NBEA: variants seen among roughly 807,000 people sequenced by gnomAD.
NBEA encodes the protein neurobeachin.
A neutral mutation model predicts 343.4 loss-of-function variants in NBEA; 44 were observed. The observed-to-expected ratio is 0.13, with a 90% confidence interval of 0.10 to 0.16. NBEA has a LOEUF of 0.16. Among genes scored for constraint, NBEA ranks in the 10% least tolerant of loss-of-function variants. The probability of loss-of-function intolerance (pLI) is 1.00; values close to 1 mark genes in which losing one functional copy is unlikely to be tolerated. For synonymous variants in NBEA, 1,175 were observed against 1,238.7 expected (o/e 0.95, Z 1.08); for missense variants, 2,555 against 3,631.3 (o/e 0.70, Z 7.62).
chr13:35,419,746 C>T (rs2044158407), intron 38 of NBEA, among the ~76,000 whole-genome samples: 2 of 151,468 alleles, frequency 1.3e-5, no homozygotes, highest in Non-Finnish European at 2.9e-5. Flanking sequence ...AAAAGAAGAG[C>T]ACAGAAGTGC....
intron 40 of NBEA, among the ~76,000 whole-genome samples, chr13:35,468,328 G>A (rs2075487081): frequency 6.6e-6 from 1 of 152,110 alleles, no homozygotes; most frequent in African/African-American, 2.4e-5. Flanking sequence ...GATGATGTGA[G>A]ACAAAAAACA....
intron 44 of NBEA, among the ~76,000 whole-genome samples, chr13:35,559,810 G>A (rs1296424368): frequency 2.0e-5 from 3 of 151,720 alleles, no homozygotes; most frequent in African/African-American, 7.3e-5. Context: ...CAGCTACTCG[G>A]AAGGCTGAGG....
At chr13:35,146,674 T>G (rs919251835) in intron 18 of NBEA, among the ~76,000 whole-genome samples, 1 of 152,078 alleles carries the variant, frequency 6.6e-6, no homozygotes, top group African/African-American at 2.4e-5. Context: ...CTTTAAGTTT[T>G]CTGGTAGGTC....
At chr13:35,010,741 A>ATATATATATAT (rs1233348410) in intron 1 of NBEA, among the ~76,000 whole-genome samples, 3 of 31,944 alleles carry the variant, frequency 9.4e-5, no homozygotes, top group South Asian at 1.8e-3. Context: ...AAAAAAAAAA[A>ATATATATATAT]ATATATATAT....
chr13:35,395,726 A>G (rs1053501804), intron 38 of NBEA, among the ~76,000 whole-genome samples: 3 of 152,076 alleles, frequency 2.0e-5, no homozygotes, highest in Admixed American at 6.6e-5. Context: ...CTCCCTATTA[A>G]AAGAGAGATG....
At position 35,155,894 on chromosome 13, in the gene NBEA, G is replaced by A. The variant is rs148526742; in HGVS notation, c.2527+39G>A. On this transcript the variant is annotated intron_variant, in intron 19 of 58. Coordinates refer to ENST00000379939, the MANE Select transcript of NBEA (RefSeq NM_001385012.1). Reference sequence around the variant, plus strand: ...AGTTCTTTACTGTATTGTGGTAGGCGCATGGCAACATATGAGACTAAATCA... The same window carrying A: ...AGTTCTTTACTGTATTGTGGTAGGCACATGGCAACATATGAGACTAAATCA... The A allele has an allele frequency of 8.1e-4, 1,261 of 1,559,258 alleles. 7 individuals carry two copies. In the African/African-American group the frequency reaches 0.015, roughly 19 times the overall value.
chr13:35,417,889 T>G (rs1009291825), intron 38 of NBEA, among the ~76,000 whole-genome samples: 1 of 152,196 alleles, frequency 6.6e-6, no homozygotes, highest in African/African-American at 2.4e-5. Context: ...TGTAGGTCTC[T>G]AAGGACTTGC....
At chr13:35,120,651 G>C (rs544833905) in intron 16 of NBEA, among the ~76,000 whole-genome samples, 1 of 150,494 alleles carries the variant, frequency 6.6e-6, no homozygotes, top group African/African-American at 2.5e-5. Flanking sequence ...GTTTAATTCT[G>C]ATGGTATGCT....
At chr13:35,001,709 G>T (rs2061147186) in intron 1 of NBEA, among the ~76,000 whole-genome samples, 1 of 152,070 alleles carries the variant, frequency 6.6e-6, no homozygotes, top group Non-Finnish European at 1.5e-5. Flanking sequence ...AAAGGCTATT[G>T]TAATTTTGTA....
At chr13:35,045,168 G>T (rs1463832738) in intron 3 of NBEA, 121 bp downstream of exon 3, 1 of 1,206,716 alleles carries the variant, frequency 8.3e-7, no homozygotes, top group Non-Finnish European at 1.1e-6. Flanking sequence ...CTTCTTAAAT[G>T]ATTTAGTAAA....
intron 17 of NBEA, among the ~76,000 whole-genome samples, chr13:35,128,563 T>A (rs1186361500): frequency 6.6e-6 from 1 of 152,132 alleles, no homozygotes. Context: ...GCAGGACTTA[T>A]AGCTTGCTAA....
chr13:35,111,031 CT>C, intron 13 of NBEA, 53 bp downstream of exon 13: 1 of 1,450,642 alleles, frequency 6.9e-7, no homozygotes. Context: ...ATTCTGTATT[CT>C]GAGTACTGTT....
intron 8 of NBEA, among the ~76,000 whole-genome samples, chr13:35,066,750 G>A (rs1002248250): frequency 6.6e-6 from 1 of 151,346 alleles, no homozygotes; most frequent in Non-Finnish European, 1.5e-5. Context: ...TGATTTGATT[G>A]GTTATTTCAT....
chr13:35,125,168 AT>A (rs1226354198), intron 17 of NBEA, among the ~76,000 whole-genome samples: 1 of 152,188 alleles, frequency 6.6e-6, no homozygotes, highest in African/African-American at 2.4e-5. Flanking sequence ...GAAGTAAAAA[AT>A]GTACTCTCTA....
intron 1 of NBEA, among the ~76,000 whole-genome samples, chr13:35,022,914 CT>C (rs2061896827): frequency 6.6e-6 from 1 of 152,036 alleles, no homozygotes; most frequent in South Asian, 2.1e-4. Flanking sequence ...ATTTTTATCT[CT>C]GTATAATTTC....
rs147317172 is a variant in NBEA at position 35,497,900 on chromosome 13, A to C, written c.6585+25364A>C. On this transcript the variant is annotated intron_variant, in intron 41 of 58. Coordinates refer to ENST00000379939, the MANE Select transcript of NBEA (RefSeq NM_001385012.1). ...ATTATTTATATTAAGAGCTTACTAA[A>C]CATTCTTTGTAATATTGGCTATTAT... Among the ~76,000 whole-genome samples, 38 of 152,162 alleles carry C rather than the reference A, an allele frequency of 2.5e-4. 1 individual carries two copies. Among genetic ancestry groups the C allele is most frequent in the African/African-American group, 8.7e-4 (36 of 41,568 alleles).
intron 38 of NBEA, among the ~76,000 whole-genome samples, chr13:35,396,112 C>T (rs966032497): frequency 3.3e-5 from 5 of 152,044 alleles, no homozygotes; most frequent in African/African-American, 1.2e-4. Flanking sequence ...CCAGTCTGGC[C>T]TCAGACTCCT....
chr13:35,635,130 T>C (rs1196133956), intron 49 of NBEA, among the ~76,000 whole-genome samples: 1 of 152,210 alleles, frequency 6.6e-6, no homozygotes, highest in Admixed American at 6.5e-5. Context: ...GGGCCCATAA[T>C]GACAACATTG....
At chr13:35,431,163 A>T (rs2152930252) in intron 38 of NBEA, among the ~76,000 whole-genome samples, 1 of 152,254 alleles carries the variant, frequency 6.6e-6, no homozygotes, top group African/African-American at 2.4e-5. Flanking sequence ...GTAAAAACAT[A>T]CTGTGGGCGA....
Sources: gnomAD v4.1 joint callset for allele counts (sites outside exome capture counted in the v4.1 genomes callset) on GRCh38, gnomAD v4.1.1 for gene constraint, MANE v1.5 for transcripts, NCBI Gene and HGNC (gene_info 2026-07-23, HGNC 2026-07-21) for gene names.